Variants in PITPNC1 observed in about 807,000 individuals in gnomAD.
The protein encoded by PITPNC1 is cytoplasmic phosphatidylinositol transfer protein 1.
A neutral mutation model predicts 44.7 loss-of-function variants in PITPNC1; 18 were observed. The ratio of observed to expected loss-of-function variants is 0.40; its 90% CI spans 0.28 to 0.60. The LOEUF (loss-of-function observed/expected upper bound fraction) is 0.60, where lower values mean the gene tolerates loss of function less well. Ranked by LOEUF, PITPNC1 falls within the 20% of genes least tolerant of loss-of-function variation. The probability of loss-of-function intolerance (pLI) is 0.39; values close to 1 mark genes in which losing one functional copy is unlikely to be tolerated. For missense variants in PITPNC1, 290 were observed against 418.4 expected, an observed-to-expected ratio of 0.69 and a Z score of 2.68; for synonymous variants, 141 against 149.6, an observed-to-expected ratio of 0.94 and a Z score of 0.42.
chr17:67,620,338 G>C (rs1205636710), intron 5 of PITPNC1, among the ~76,000 whole-genome samples: 1 of 152,196 alleles, frequency 6.6e-6, no homozygotes, highest in Non-Finnish European at 1.5e-5. Flanking sequence ...ACAGGCGTGA[G>C]CCACTGCACC....
At chr17:67,537,133 A>G (rs1488466877) in intron 2 of PITPNC1, among the ~76,000 whole-genome samples, 1 of 152,266 alleles carries the variant, frequency 6.6e-6, no homozygotes, top group African/African-American at 2.4e-5. Context: ...TTAACATTTA[A>G]TAAATCTGTG....
At chr17:67,632,593 T>C (rs2041985607) in intron 6 of PITPNC1, among the ~76,000 whole-genome samples, 1 of 150,212 alleles carries the variant, frequency 6.7e-6, no homozygotes, top group East Asian at 1.9e-4. Flanking sequence ...TTTCTTTTTT[T>C]TTTTTGAGAT....
At chr17:67,598,976 T>G (rs1178052580) in intron 5 of PITPNC1, among the ~76,000 whole-genome samples, 2 of 134,126 alleles carry the variant, frequency 1.5e-5, no homozygotes, top group Non-Finnish European at 3.2e-5. Flanking sequence ...CTTGGACTTC[T>G]CAGCCCCCAA....
At chr17:67,601,244 A>T (rs1002980419) in intron 5 of PITPNC1, among the ~76,000 whole-genome samples, 2 of 152,222 alleles carry the variant, frequency 1.3e-5, no homozygotes, top group African/African-American at 4.8e-5. Context: ...AAGACAGATC[A>T]CGTACAAAGG....
chr17:67,531,743 G>A (rs1490417969), intron 1 of PITPNC1, among the ~76,000 whole-genome samples: 1 of 152,168 alleles, frequency 6.6e-6, no homozygotes, highest in Non-Finnish European at 1.5e-5. Context: ...GTTTGTTGCA[G>A]ACTCAGGCCC....
At chr17:67,656,140 C>T (rs2042264508) in intron 6 of PITPNC1, among the ~76,000 whole-genome samples, 1 of 152,212 alleles carries the variant, frequency 6.6e-6, no homozygotes, top group African/African-American at 2.4e-5. Context: ...ACCACCTGTT[C>T]AGACCCCACC....
intron 6 of PITPNC1, among the ~76,000 whole-genome samples, chr17:67,646,638 C>T (rs1386285549): frequency 6.6e-6 from 1 of 152,140 alleles, no homozygotes; most frequent in Non-Finnish European, 1.5e-5. Flanking sequence ...ATCCTCCTAC[C>T]ACAGCCTCCT....
At chr17:67,379,666 G>A (rs944701956) in intron 1 of PITPNC1, among the ~76,000 whole-genome samples, 13 of 152,172 alleles carry the variant, frequency 8.5e-5, no homozygotes, top group African/African-American at 3.1e-4. Context: ...AAATGAATGG[G>A]ACTGGTTAAT....
intron 2 of PITPNC1, among the ~76,000 whole-genome samples, chr17:67,542,432 T>G (rs1182325501): frequency 6.6e-6 from 1 of 152,230 alleles, no homozygotes; most frequent in African/African-American, 2.4e-5. Flanking sequence ...ATAAGTCATG[T>G]GACTGCCTTG....
intron 5 of PITPNC1, among the ~76,000 whole-genome samples, chr17:67,595,531 A>G (rs1437610889): frequency 6.6e-6 from 1 of 151,916 alleles, no homozygotes; most frequent in Admixed American, 6.6e-5. Flanking sequence ...TTTCCAATGG[A>G]CATGATTTCA....
At chr17:67,677,246 A>G (rs2042619568) in intron 8 of PITPNC1, among the ~76,000 whole-genome samples, 1 of 152,200 alleles carries the variant, frequency 6.6e-6, no homozygotes, top group Admixed American at 6.5e-5. Context: ...AGGATATTTA[A>G]AGAATCATAG....
intron 5 of PITPNC1, among the ~76,000 whole-genome samples, chr17:67,581,708 G>A (rs113855966): frequency 7.2e-5 from 11 of 152,270 alleles, no homozygotes; most frequent in African/African-American, 2.4e-4. Flanking sequence ...TGGTTGTCCA[G>A]CAGATTCAAA....
intron 1 of PITPNC1, among the ~76,000 whole-genome samples, chr17:67,410,683 C>G (rs548006755): frequency 6.6e-6 from 1 of 151,980 alleles, no homozygotes; most frequent in East Asian, 1.9e-4. Context: ...ACCAACCGCA[C>G]GGGCCTGGTG....
chr17:67,484,416 C>T (rs2039748631), intron 1 of PITPNC1, among the ~76,000 whole-genome samples: 1 of 152,174 alleles, frequency 6.6e-6, no homozygotes, highest in Admixed American at 6.5e-5. Flanking sequence ...CAAATTGGAA[C>T]CGTCTTGACT....
chr17:67,386,889 C>T (rs1442136706), intron 1 of PITPNC1, among the ~76,000 whole-genome samples: 1 of 151,974 alleles, frequency 6.6e-6, no homozygotes, highest in Non-Finnish European at 1.5e-5. Flanking sequence ...AAATTCAGCC[C>T]ACCGGGAGAG....
chr17:67,465,445 G>A (rs1045171518), intron 1 of PITPNC1, among the ~76,000 whole-genome samples: 1 of 152,166 alleles, frequency 6.6e-6, no homozygotes, highest in Non-Finnish European at 1.5e-5. Context: ...AGACTTGGTG[G>A]CAGACATAAC....
intron 1 of PITPNC1, among the ~76,000 whole-genome samples, chr17:67,431,429 T>C (rs760168968): frequency 5.3e-5 from 8 of 152,158 alleles, no homozygotes; most frequent in Non-Finnish European, 8.8e-5. Flanking sequence ...TGAGTCAGCC[T>C]CTGTATACCA....
chr17:67,608,907 A>G (rs1033019427), intron 5 of PITPNC1, among the ~76,000 whole-genome samples: 12 of 152,130 alleles, frequency 7.9e-5, no homozygotes, highest in African/African-American at 2.9e-4. Context: ...TCTCATGATT[A>G]GATTCAGACT....
intron 1 of PITPNC1, among the ~76,000 whole-genome samples, chr17:67,452,140 G>C (rs1294199831): frequency 6.6e-6 from 1 of 151,788 alleles, no homozygotes; most frequent in Non-Finnish European, 1.5e-5. Flanking sequence ...TGAGTAGCTG[G>C]GACTACAGGC....
Sources: allele counts gnomAD v4.1 joint callset (sites outside exome capture counted in the v4.1 genomes callset), GRCh38; gene constraint gnomAD v4.1.1; transcripts MANE v1.5; gene names NCBI Gene and HGNC (gene_info 2026-07-23, HGNC 2026-07-21).